The following TM4SF5 variants were observed in gnomAD, a reference collection of about 807,000 sequenced individuals.
TM4SF5 encodes transmembrane 4 L6 family member 5.
TM4SF5 carries 16 observed loss-of-function variants against 22.3 expected under a neutral mutation model. The ratio of observed to expected loss-of-function variants is 0.72; its 90% CI spans 0.49 to 1.09. The LOEUF is 1.09. Among genes scored for constraint, TM4SF5 ranks in the 50% least tolerant of loss-of-function variants. The pLI, the probability that TM4SF5 is intolerant of heterozygous loss-of-function variation, is 0.00. For missense variants in TM4SF5, 249 were observed against 266.1 expected (o/e 0.94, Z 0.45); for synonymous variants, 113 against 109.6 (o/e 1.03, Z -0.19).
In TM4SF5 at chr17:4,772,035, C is replaced by T; in HGVS notation, c.113C>T (p.Thr38Ile). Residue 38 changes from threonine to isoleucine, a missense_variant, in exon 1 of 5, where the codon ACC becomes ATC. Thr to Ile is a moderately conservative substitution (Grantham distance 89, BLOSUM62 -1). Transcript: ENST00000270560. Reference protein sequence around the residue: ...LLVPNGETSWTNTNHLSLQVW... With the variant: ...LLVPNGETSWINTNHLSLQVW... Reference sequence around the variant, plus strand: ...GTACCTAATGGGGAGACCTCCTGGACCAACACCAACCATCTCAGCTTGCAA... The same window carrying T: ...GTACCTAATGGGGAGACCTCCTGGATCAACACCAACCATCTCAGCTTGCAA... 2 of 1,614,200 alleles carry T rather than the reference C, an allele frequency of 1.2e-6. No homozygotes were observed. Among genetic ancestry groups the T allele is most frequent in the East Asian group, 4.5e-5 (2 of 44,880 alleles).
intron 3 of TM4SF5, 104 bp from the exon 4 acceptor site, chr17:4,782,750 C>T: frequency 1.9e-6 from 3 of 1,570,620 alleles, no homozygotes; most frequent in Non-Finnish European, 2.6e-6. Context: ...ACTCGCTCCA[C>T]GTGGGCTACC....
Position 4,782,519 on chromosome 17 carries a change from TCTC to T in TM4SF5, c.279_281del (p.Ser94del), listed in dbSNP as rs1219087180. 5.6e-6 allele frequency: 9 copies of T among 1,613,452 alleles called. No individual in the cohort carries two copies. Among genetic ancestry groups the T allele is most frequent in the East Asian group, 2.2e-5 (1 of 44,852 alleles). ...CACATCCAGATGCTGCGCTCGGTCT[TCTC>T]CTCGGCGTTCGGGGTGCTTGGTGCC... On this transcript the variant is annotated inframe_deletion, in exon 3 of 5. Coordinates refer to ENST00000270560, the MANE Select transcript of TM4SF5 (RefSeq NM_003963.3).
intron 2 of TM4SF5, 102 bp downstream of exon 2, chr17:4,780,971 G>C (rs143348332): frequency 3.0e-6 from 3 of 987,524 alleles, no homozygotes; most frequent in African/African-American, 3.3e-5. Context: ...CTTGAGCCAG[G>C]AGTTCTAGAC....
At chr17:4,775,703 CAG>C (rs1024169623) in intron 1 of TM4SF5, among the ~76,000 whole-genome samples, 25 of 152,170 alleles carry the variant, frequency 1.6e-4, no homozygotes, top group Non-Finnish European at 3.2e-4. Flanking sequence ...GGTCAAGAAA[CAG>C]ATCATTACCA....
intron 1 of TM4SF5, 83 bp downstream of exon 1, chr17:4,772,182 A>T: frequency 6.5e-7 from 1 of 1,539,718 alleles, no homozygotes; most frequent in East Asian, 2.2e-5. Flanking sequence ...GGGAGAGAGG[A>T]ATAAGAATGG....
intron 1 of TM4SF5, among the ~76,000 whole-genome samples, chr17:4,778,499 C>T (rs1473792892): frequency 1.3e-5 from 2 of 151,870 alleles, no homozygotes; most frequent in East Asian, 1.9e-4. Flanking sequence ...CCCAGCTACT[C>T]GGGAGGCCGA....
At chr17:4,780,024 T>C (rs1156802338) in intron 1 of TM4SF5, among the ~76,000 whole-genome samples, 1 of 151,988 alleles carries the variant, frequency 6.6e-6, no homozygotes, top group Non-Finnish European at 1.5e-5. Context: ...CTGAGGGAAC[T>C]TATAAATATT....
intron 2 of TM4SF5, 71 bp downstream of exon 2, chr17:4,780,940 C>G: frequency 7.3e-7 from 1 of 1,363,688 alleles, no homozygotes; most frequent in South Asian, 1.3e-5. Flanking sequence ...AACACTTTAG[C>G]AGGCTGAGGT....
intron 1 of TM4SF5, 42 bp downstream of exon 1, chr17:4,772,141 G>A (rs746325189): frequency 6.2e-7 from 1 of 1,610,704 alleles, no homozygotes; most frequent in East Asian, 2.2e-5. Context: ...CTGGCTGGGT[G>A]CCACCTAAGG....
intron 1 of TM4SF5, among the ~76,000 whole-genome samples, chr17:4,776,926 G>A (rs1597297905): frequency 6.6e-6 from 1 of 152,194 alleles, no homozygotes; most frequent in South Asian, 2.1e-4. Flanking sequence ...TGAGCTGGGC[G>A]TGGGGCCTCA....
intron 1 of TM4SF5, among the ~76,000 whole-genome samples, chr17:4,776,642 G>A (rs1320072598): frequency 6.6e-6 from 1 of 152,216 alleles, no homozygotes; most frequent in East Asian, 1.9e-4. Context: ...TCCCAGTTTG[G>A]TTTTTTTGCA....
In TM4SF5 at chr17:4,774,014, A is replaced by G. The variant is rs558665523; in HGVS notation, c.177+1915A>G. On this transcript the variant is annotated intron_variant, in intron 1 of 4. Coordinates refer to ENST00000270560, the MANE Select transcript of TM4SF5 (RefSeq NM_003963.3). ...GCCAATCACCTGAGGTCAGGAGTTC[A>G]AGACCAGCCTGGCCAACATGGTGAA... 2.0e-5 allele frequency among the ~76,000 whole-genome samples: 3 copies of G among 152,262 alleles called. No individual in the cohort carries two copies. The East Asian group carries it at 5.8e-4, about 29-fold the overall frequency.
At chr17:4,780,560 T>G (rs1917283331) in intron 1 of TM4SF5, among the ~76,000 whole-genome samples, 1 of 152,112 alleles carries the variant, frequency 6.6e-6, no homozygotes, top group Non-Finnish European at 1.5e-5. Flanking sequence ...ATAATGATAT[T>G]GGGCCCTACC....
At chr17:4,772,191 G>A in intron 1 of TM4SF5, 92 bp downstream of exon 1, 3 of 1,503,730 alleles carry the variant, frequency 2.0e-6, no homozygotes, top group Non-Finnish European at 2.7e-6. Flanking sequence ...GAATAAGAAT[G>A]GTTGCTTGGG....
chr17:4,780,924 A>G, intron 2 of TM4SF5, 55 bp downstream of exon 2: 1 of 1,488,188 alleles, frequency 6.7e-7, no homozygotes, highest in Non-Finnish European at 9.3e-7. Flanking sequence ...TCATGCCTGT[A>G]ATCCCAACAC....
chr17:4,783,109 C>T lies in TM4SF5; in HGVS notation c.580-5C>T, dbSNP rs756489623. Reference sequence around the variant, plus strand: ...GGCTGCGTTCTCACCTTCTCTTTTCCGCAGGACACACCTCACTGAGGCTCC... The same window carrying T: ...GGCTGCGTTCTCACCTTCTCTTTTCTGCAGGACACACCTCACTGAGGCTCC... On this transcript the variant is annotated splice_region_variant and splice_polypyrimidine_tract_variant and intron_variant, in intron 4 of 4. Coordinates refer to ENST00000270560, the MANE Select transcript of TM4SF5 (RefSeq NM_003963.3). 1.9e-6 allele frequency: 3 copies of T among 1,614,028 alleles called. No individual in the cohort carries two copies. The highest frequency in any genetic ancestry group is 2.7e-5 in the African/African-American group (2 of 74,934).
Position 4,782,502 on chromosome 17 carries a change from G to T in TM4SF5, c.259-1G>T. ...TACCTCCCCTTCCACACCACATCCA[G>T]ATGCTGCGCTCGGTCTTCTCCTCGG... On this transcript the variant is annotated splice_acceptor_variant, in intron 2 of 4. Coordinates refer to ENST00000270560, the MANE Select transcript of TM4SF5 (RefSeq NM_003963.3). LOFTEE classifies it high-confidence loss of function. 1 of 1,614,066 alleles carries T rather than the reference G, an allele frequency of 6.2e-7. No homozygotes were observed.
At chr17:4,772,624 T>C (rs1287991619) in intron 1 of TM4SF5, among the ~76,000 whole-genome samples, 1 of 152,058 alleles carries the variant, frequency 6.6e-6, no homozygotes, top group African/African-American at 2.4e-5. Context: ...CTTAGGTCAG[T>C]ATGGCAGGGA....
intron 1 of TM4SF5, among the ~76,000 whole-genome samples, chr17:4,777,622 C>T (rs1917231549): frequency 6.6e-6 from 1 of 151,924 alleles, no homozygotes; most frequent in Non-Finnish European, 1.5e-5. Flanking sequence ...CGGTGGCTCA[C>T]ACCTGTAATC....
Sources: allele counts gnomAD v4.1 joint callset (sites outside exome capture counted in the v4.1 genomes callset), GRCh38; gene constraint gnomAD v4.1.1; transcripts MANE v1.5; gene names NCBI Gene and HGNC (gene_info 2026-07-23, HGNC 2026-07-21).